ZNF423: variants seen among roughly 807,000 people sequenced by gnomAD.
The protein encoded by ZNF423 is Ebf-associated zinc finger protein.
Under a neutral mutation model 95.8 loss-of-function variants are expected in ZNF423, and 12 were observed. The ratio of observed to expected loss-of-function variants is 0.13; its 90% CI spans 0.08 to 0.20. The LOEUF (loss-of-function observed/expected upper bound fraction) is 0.20. Among genes scored for constraint, ZNF423 ranks in the 10% least tolerant of loss-of-function variants. ZNF423 has a pLI of 1.00. For missense variants in ZNF423, 1,316 were observed against 1,737.1 expected (o/e 0.76, Z 4.31); for synonymous variants, 749 against 711.9 (o/e 1.05, Z -0.83).
At chr16:49,820,124 G>A (rs983584495) in intron 1 of ZNF423, among the ~76,000 whole-genome samples, 1 of 152,134 alleles carries the variant, frequency 6.6e-6, no homozygotes, top group East Asian at 1.9e-4. Flanking sequence ...ATGGACAGAC[G>A]GACGGACGGA....
intron 3 of ZNF423, among the ~76,000 whole-genome samples, chr16:49,653,311 C>CAAAA (rs5816652): frequency 2.6e-4 from 26 of 99,128 alleles, no homozygotes; most frequent in East Asian, 2.9e-4. Context: ...CAAGAACCAC[C>CAAAA]AAAAAAAAAA....
At chr16:49,502,431 C>T (rs752902274) in intron 7 of ZNF423, among the ~76,000 whole-genome samples, 8 of 152,062 alleles carry the variant, frequency 5.3e-5, no homozygotes, top group Non-Finnish European at 1.2e-4. Context: ...GCTGGCAAAC[C>T]TGGGAGACCA....
At chr16:49,546,816 C>A (rs1969459504) in intron 5 of ZNF423, among the ~76,000 whole-genome samples, 1 of 152,046 alleles carries the variant, frequency 6.6e-6, no homozygotes, top group African/African-American at 2.4e-5. Flanking sequence ...GAGTTTGTGA[C>A]CCCTGTGAAA....
At chr16:49,602,657 C>T (rs1349315942) in intron 5 of ZNF423, among the ~76,000 whole-genome samples, 1 of 152,186 alleles carries the variant, frequency 6.6e-6, no homozygotes, top group African/African-American at 2.4e-5. Context: ...TGGGTGTGGA[C>T]CAAATTCCTT....
intron 3 of ZNF423, among the ~76,000 whole-genome samples, chr16:49,725,399 T>C (rs1018690720): frequency 1.3e-5 from 2 of 151,776 alleles, no homozygotes; most frequent in Non-Finnish European, 2.9e-5. Flanking sequence ...AACTAATTAA[T>C]TAAAAAAAAT....
At chr16:49,580,547 G>A (rs571774973) in intron 5 of ZNF423, among the ~76,000 whole-genome samples, 192 of 152,280 alleles carry the variant, frequency 1.3e-3, no homozygotes, top group African/African-American at 4.6e-3. Context: ...TTAGCTCAAA[G>A]CAGAACTTCC....
At chr16:49,503,221 G>C (rs1163618743) in intron 7 of ZNF423, among the ~76,000 whole-genome samples, 6 of 152,104 alleles carry the variant, frequency 3.9e-5, no homozygotes, top group Admixed American at 3.9e-4. Context: ...AGCCCCACCT[G>C]CCCAGGACGC....
chr16:49,525,334 C>A (rs1403151390), intron 6 of ZNF423, 29 bp downstream of exon 6: 1 of 1,613,216 alleles, frequency 6.2e-7, no homozygotes, highest in Admixed American at 1.7e-5. Flanking sequence ...CATCTCTCTC[C>A]CCTGAGGGGC....
intron 3 of ZNF423, among the ~76,000 whole-genome samples, chr16:49,684,979 A>G (rs1307519437): frequency 1.3e-5 from 2 of 152,172 alleles, no homozygotes; most frequent in African/African-American, 4.8e-5. Context: ...CGAACCACCA[A>G]CACCGGCTGA....
chr16:49,836,434 C>T (rs968072664), intron 1 of ZNF423, among the ~76,000 whole-genome samples: 1 of 152,054 alleles, frequency 6.6e-6, no homozygotes, highest in Non-Finnish European at 1.5e-5. Context: ...TGTTGTCAGC[C>T]TCAGAGTTTA....
chr16:49,671,668 GTTTTA>G (rs905590959), intron 3 of ZNF423, among the ~76,000 whole-genome samples: 2 of 152,098 alleles, frequency 1.3e-5, no homozygotes, highest in African/African-American at 4.8e-5. Context: ...TGCCCCACAC[GTTTTA>G]TTTTATTTTT....
intron 3 of ZNF423, among the ~76,000 whole-genome samples, chr16:49,704,836 C>A (rs1440706566): frequency 1.3e-5 from 2 of 152,176 alleles, no homozygotes; most frequent in African/African-American, 4.8e-5. Flanking sequence ...GGCATGAAAA[C>A]TTCCCAGCTC....
intron 5 of ZNF423, among the ~76,000 whole-genome samples, chr16:49,562,675 C>T (rs1287741725): frequency 6.6e-6 from 1 of 152,182 alleles, no homozygotes; most frequent in Non-Finnish European, 1.5e-5. Flanking sequence ...TAGAATCAGA[C>T]CAGATGATTT....
At chr16:49,643,599 G>A (rs1973057524) in intron 3 of ZNF423, among the ~76,000 whole-genome samples, 1 of 140,298 alleles carries the variant, frequency 7.1e-6, no homozygotes, top group Non-Finnish European at 1.5e-5. Flanking sequence ...AATCAAGTGG[G>A]AAGTACAATG....
chr16:49,567,672 G>A (rs548284684), intron 5 of ZNF423, among the ~76,000 whole-genome samples: 27 of 152,328 alleles, frequency 1.8e-4, no homozygotes, highest in Non-Finnish European at 2.9e-4. Context: ...GCAAATAGCC[G>A]TCCAGTGCAG....
Position 49,491,033 on chromosome 16 carries a change from GA to G in ZNF423, c.*241del, listed in dbSNP as rs1439266319. 31 of 526,332 alleles carry G rather than the reference GA, an allele frequency of 5.9e-5. No homozygotes were observed. Among genetic ancestry groups the G allele is most frequent in the Non-Finnish European group, 1.4e-5 (4 of 293,576 alleles). The allele number at this position is 526,332 out of a possible 1,614,324, so 32.6% of individuals were successfully genotyped here. On this transcript the variant is annotated 3_prime_UTR_variant, in exon 8 of 8. Transcript: ENST00000563137. ...AACTCTAGAAATGTAGTCTGCGGCGGAAAGTCTAAAAGCACACTAGCTGTAG... is the reference window on the plus strand; with the variant it reads ...AACTCTAGAAATGTAGTCTGCGGCGGAAGTCTAAAAGCACACTAGCTGTAG...
At chr16:49,690,806 G>A (rs2031750081) in intron 3 of ZNF423, among the ~76,000 whole-genome samples, 1 of 152,204 alleles carries the variant, frequency 6.6e-6, no homozygotes, top group Admixed American at 6.5e-5. Flanking sequence ...AGGAGTCACT[G>A]GAGGATGGGA....
intron 5 of ZNF423, among the ~76,000 whole-genome samples, chr16:49,612,361 C>T (rs1417695105): frequency 6.7e-6 from 1 of 149,710 alleles, no homozygotes; most frequent in African/African-American, 2.5e-5. Context: ...TATAATCCAC[C>T]ATATTAACAT....
chr16:49,595,416 C>T (rs2151822947), intron 5 of ZNF423, among the ~76,000 whole-genome samples: 1 of 152,342 alleles, frequency 6.6e-6, no homozygotes, highest in South Asian at 2.1e-4. Flanking sequence ...TTCCCAGGCG[C>T]ACTCACTAGC....
Sources: gnomAD v4.1 joint callset for allele counts (sites outside exome capture counted in the v4.1 genomes callset) on GRCh38, gnomAD v4.1.1 for gene constraint, MANE v1.5 for transcripts, NCBI Gene and HGNC (gene_info 2026-07-23, HGNC 2026-07-21) for gene names.